The following PTGFR variants were observed in gnomAD, a reference collection of about 807,000 sequenced individuals.
The protein encoded by PTGFR is prostaglandin F2-alpha receptor.
Under a neutral mutation model 26.2 loss-of-function variants are expected in PTGFR, and 15 were observed. The observed-to-expected ratio is 0.57, with a 90% CI of 0.38 to 0.88. The LOEUF is 0.88. PTGFR is among the 40% of genes least tolerant of loss of function. The pLI is 0.00. For synonymous variants in PTGFR, 165 were observed against 151.1 expected (o/e 1.09, Z -0.68); for missense variants, 369 against 427.2 (o/e 0.86, Z 1.20).
Position 78,538,715 on chromosome 1 carries a change from A to G in PTGFR, c.*2028A>G, listed in dbSNP as rs1290786688. 2 of 152,098 alleles carry G rather than the reference A, an allele frequency of 1.3e-5. No homozygotes were observed. Among genetic ancestry groups the G allele is most frequent in the Non-Finnish European group, 2.9e-5 (2 of 68,002 alleles). The allele number at this position is 152,098 out of a possible 1,614,324, so 9.4% of individuals were successfully genotyped here. On this transcript the variant is annotated 3_prime_UTR_variant, in exon 3 of 3. Transcript: ENST00000370757. Reference sequence around the variant, plus strand: ...GAATAATAGACTGGAACATCTACCAATAACTTTCACATAAATGTTCAAAAT... The same window carrying G: ...GAATAATAGACTGGAACATCTACCAGTAACTTTCACATAAATGTTCAAAAT...
At chr1:78,503,643 G>A (rs1250694861) in intron 2 of PTGFR, among the ~76,000 whole-genome samples, 1 of 152,160 alleles carries the variant, frequency 6.6e-6, no homozygotes, top group Admixed American at 6.5e-5. Flanking sequence ...CATTTTGTCT[G>A]TGACCTTGCA....
In PTGFR at chr1:78,536,563, C is replaced by A; in HGVS notation, c.956C>A (p.Ala319Asp). Residue 319 changes from alanine to aspartate, a missense_variant, in exon 3 of 3, where the codon GCC becomes GAC. Transcript: ENST00000370757. ...GTCCTTAAGAATCTCTATAAGCTTGCCAGTCAATGCTGTGGAGTGCATGTC... is the reference window on the plus strand; with the variant it reads ...GTCCTTAAGAATCTCTATAAGCTTGACAGTCAATGCTGTGGAGTGCATGTC... Reference protein sequence around the residue: ...KAVLKNLYKLASQCCGVHVIS... With the variant: ...KAVLKNLYKLDSQCCGVHVIS... 6.2e-7 allele frequency: 1 copy of A among 1,613,326 alleles called. No homozygotes were observed. The highest frequency in any genetic ancestry group is 8.5e-7 in the Non-Finnish European group (1 of 1,179,480).
intron 2 of PTGFR, among the ~76,000 whole-genome samples, chr1:78,511,057 C>T (rs1649956298): frequency 6.6e-6 from 1 of 152,220 alleles, no homozygotes; most frequent in Non-Finnish European, 1.5e-5. Flanking sequence ...GTGCAGCCAC[C>T]ATGGCTGCTC....
chr1:78,492,573 A>G (rs1649431391), intron 1 of PTGFR, 99 bp from the exon 2 acceptor site: 1 of 637,276 alleles, frequency 1.6e-6, no homozygotes, highest in East Asian at 2.8e-5. Flanking sequence ...GATAGGCCAG[A>G]TAAAACCCAT....
intron 2 of PTGFR, among the ~76,000 whole-genome samples, chr1:78,504,710 T>C (rs1274485708): frequency 6.6e-6 from 1 of 152,208 alleles, no homozygotes; most frequent in Non-Finnish European, 1.5e-5. Context: ...TTTATGTTTT[T>C]AATACATTTA....
At chr1:78,498,962 A>G (rs1464109591) in intron 2 of PTGFR, among the ~76,000 whole-genome samples, 2 of 152,188 alleles carry the variant, frequency 1.3e-5, no homozygotes, top group African/African-American at 4.8e-5. Context: ...TTAGACCTCA[A>G]CAACTCAAAA....
intron 2 of PTGFR, among the ~76,000 whole-genome samples, chr1:78,533,876 C>T (rs576348248): frequency 5.3e-5 from 8 of 152,228 alleles, no homozygotes; most frequent in African/African-American, 1.9e-4. Flanking sequence ...TTACGTGGCC[C>T]AAATGAATGG....
At chr1:78,535,277 A>G (rs1650618472) in intron 2 of PTGFR, among the ~76,000 whole-genome samples, 1 of 152,082 alleles carries the variant, frequency 6.6e-6, no homozygotes. Context: ...ATCATACGGA[A>G]TTTGCAGGGG....
At chr1:78,510,639 C>T (rs1649943739) in intron 2 of PTGFR, among the ~76,000 whole-genome samples, 1 of 152,172 alleles carries the variant, frequency 6.6e-6, no homozygotes, top group Admixed American at 6.5e-5. Flanking sequence ...CTATATCATT[C>T]CATCCCTGGC....
At chr1:78,506,306 T>C (rs1242476567) in intron 2 of PTGFR, among the ~76,000 whole-genome samples, 2 of 152,094 alleles carry the variant, frequency 1.3e-5, no homozygotes, top group African/African-American at 2.4e-5. Context: ...CATCTTTTAA[T>C]GTGCTTGTTG....
intron 2 of PTGFR, among the ~76,000 whole-genome samples, chr1:78,499,026 G>A (rs142097639): frequency 2.6e-5 from 4 of 152,206 alleles, no homozygotes; most frequent in African/African-American, 4.8e-5. Flanking sequence ...TAGTGTAATC[G>A]TGGGAATTCA....
chr1:78,538,977 GA>G lies in PTGFR; in HGVS notation c.*2291del, dbSNP rs1489931350. On this transcript the variant is annotated 3_prime_UTR_variant, in exon 3 of 3. Transcript: ENST00000370757. ...TGGGCAAATAACATAAACATGTCAG[GA>G]TTTTTACAGGTGTTAGTGAATTTTT... is the stretch of plus-strand genomic sequence containing the variant. 7 of 151,828 alleles carry G rather than the reference GA, an allele frequency of 4.6e-5. No individual in the cohort carries two copies. In the East Asian group the frequency reaches 1.4e-3, roughly 29 times the overall value. The allele number at this position is 151,828 out of a possible 1,614,324, so 9.4% of individuals were successfully genotyped here.
intron 2 of PTGFR, among the ~76,000 whole-genome samples, chr1:78,511,035 TG>T: frequency 6.6e-6 from 1 of 152,324 alleles, no homozygotes; most frequent in East Asian, 1.9e-4. Flanking sequence ...TTCATCCCTT[TG>T]GCTTTGCAGG....
At chr1:78,521,865 A>G (rs1344973329) in intron 2 of PTGFR, among the ~76,000 whole-genome samples, 3 of 152,094 alleles carry the variant, frequency 2.0e-5, no homozygotes, top group Non-Finnish European at 2.9e-5. Context: ...TAAATCACTC[A>G]TAAGTACTCT....
chr1:78,515,736 T>C (rs1650077229), intron 2 of PTGFR, among the ~76,000 whole-genome samples: 2 of 152,222 alleles, frequency 1.3e-5, no homozygotes, highest in African/African-American at 4.8e-5. Context: ...ATAGATTTTG[T>C]GCTGTTTGTT....
In PTGFR at chr1:78,536,830, T is replaced by G; in HGVS notation, c.*143T>G. The G allele has an allele frequency of 1.0e-6, 1 of 988,126 alleles. No individual in the cohort carries two copies. The highest frequency in any genetic ancestry group is 1.4e-6 in the Non-Finnish European group (1 of 705,494). 61.2% of individuals were successfully genotyped at this position (988,126 alleles called of 1,614,324 possible). On this transcript the variant is annotated 3_prime_UTR_variant, in exon 3 of 3. Coordinates refer to ENST00000370757, the MANE Select transcript of PTGFR (RefSeq NM_000959.4). ...TGAAGATACTATTGTCAGATTCAGG[T>G]TTTGAAATTTGTCAAATAAACAGGA... is the stretch of plus-strand genomic sequence containing the variant.
intron 2 of PTGFR, among the ~76,000 whole-genome samples, chr1:78,499,952 G>C (rs1203138523): frequency 1.3e-5 from 2 of 152,138 alleles, no homozygotes; most frequent in Non-Finnish European, 2.9e-5. Flanking sequence ...TATTGAATGG[G>C]AAGTATCAAA....
chr1:78,532,663 G>A (rs1350373806), intron 2 of PTGFR, among the ~76,000 whole-genome samples: 1 of 151,298 alleles, frequency 6.6e-6, no homozygotes, highest in African/African-American at 2.4e-5. Context: ...TGCCTCTCGG[G>A]TTCAAGCGAT....
At chr1:78,499,005 A>G (rs1016044867) in intron 2 of PTGFR, among the ~76,000 whole-genome samples, 19 of 152,122 alleles carry the variant, frequency 1.2e-4, no homozygotes. Context: ...TATTTTAGAG[A>G]TACGTTAATG....
Sources: allele counts gnomAD v4.1 joint callset (sites outside exome capture counted in the v4.1 genomes callset), GRCh38; gene constraint gnomAD v4.1.1; transcripts MANE v1.5; gene names NCBI Gene and HGNC (gene_info 2026-07-23, HGNC 2026-07-21).